The following NFE2L2 variants were observed in gnomAD, a reference collection of about 807,000 sequenced individuals.
The protein encoded by NFE2L2 is nuclear factor erythroid 2-related factor 2.
A neutral mutation model predicts 49.6 loss-of-function variants in NFE2L2; 20 were observed. That is an observed-to-expected ratio of 0.40 (90% confidence interval 0.28 to 0.59). The LOEUF (loss-of-function observed/expected upper bound fraction) is 0.59, where lower values mean the gene tolerates loss of function less well. Among genes scored for constraint, NFE2L2 ranks in the 20% least tolerant of loss-of-function variants. NFE2L2 has a pLI of 0.40. For missense variants in NFE2L2, 578 were observed against 714.2 expected (o/e 0.81, Z 2.17); for synonymous variants, 244 against 256.5 (o/e 0.95, Z 0.47).
chr2:177,253,023 A>G (rs916170888), intron 1 of NFE2L2, among the ~76,000 whole-genome samples: 9 of 152,224 alleles, frequency 5.9e-5, no homozygotes, highest in Admixed American at 3.3e-4. Context: ...ATGAGCACTG[A>G]AGGCCCTCTA....
intron 1 of NFE2L2, among the ~76,000 whole-genome samples, chr2:177,247,275 T>C (rs1170047822): frequency 1.3e-5 from 2 of 152,120 alleles, no homozygotes; most frequent in Non-Finnish European, 2.9e-5. Context: ...AAATACACAT[T>C]AACTGCTTAT....
rs548555607 is a variant in NFE2L2, at chr2:177,256,027, T to G, written c.45+8505A>C. 38 of 154,814 alleles carry G rather than the reference T, an allele frequency of 2.5e-4. No individual in the cohort carries two copies. In the South Asian group the frequency reaches 6.9e-3, roughly 28 times the overall value. 9.6% of individuals were successfully genotyped at this position (154,814 alleles called of 1,614,324 possible). A position where few individuals can be genotyped will look rare whatever the true frequency, so the allele number is the denominator to read the frequency against. ...CCAGAGGAAGTCACTACCAGGAATT[T>G]TAATGGTTAAAAAAATTATTTTCTT... On this transcript the variant is annotated intron_variant, in intron 1 of 4. Transcript: ENST00000397062.
chr2:177,256,570 C>T (rs1476993758), intron 1 of NFE2L2, among the ~76,000 whole-genome samples: 1 of 151,156 alleles, frequency 6.6e-6, no homozygotes, highest in East Asian at 1.9e-4. Context: ...TGCATAGAGC[C>T]TAAATCTTAA....
chr2:177,249,494 A>G (rs563847560), intron 1 of NFE2L2, among the ~76,000 whole-genome samples: 20 of 152,334 alleles, frequency 1.3e-4, no homozygotes, highest in South Asian at 4.1e-4. Flanking sequence ...TATGAAGTCC[A>G]TAAGTCTGAA....
intron 1 of NFE2L2, among the ~76,000 whole-genome samples, chr2:177,238,410 C>T (rs182296139): frequency 1.6e-4 from 25 of 152,202 alleles, no homozygotes; most frequent in Admixed American, 1.3e-3. Context: ...AATTTCCTTT[C>T]CCCCCCTTTT....
chr2:177,246,988 C>T (rs1197173505), intron 1 of NFE2L2, among the ~76,000 whole-genome samples: 2 of 152,052 alleles, frequency 1.3e-5, no homozygotes, highest in African/African-American at 4.8e-5. Context: ...TTTAATCAGT[C>T]CCCCATCTGA....
intron 1 of NFE2L2, among the ~76,000 whole-genome samples, chr2:177,259,553 C>G (rs1279964792): frequency 6.6e-6 from 1 of 152,082 alleles, no homozygotes; most frequent in Non-Finnish European, 1.5e-5. Context: ...ATGGCAGAAA[C>G]TGACACACAG....
chr2:177,251,224 T>C (rs1690326902), intron 1 of NFE2L2, among the ~76,000 whole-genome samples: 1 of 152,218 alleles, frequency 6.6e-6, no homozygotes, highest in South Asian at 2.1e-4. Context: ...GGGGTAGTTA[T>C]TACAAAAGAA....
chr2:177,242,885 C>T (rs1689986994), intron 1 of NFE2L2, among the ~76,000 whole-genome samples: 2 of 151,878 alleles, frequency 1.3e-5, no homozygotes, highest in African/African-American at 2.4e-5. Context: ...CATCTGAGTC[C>T]CCAAGGAGGT....
intron 1 of NFE2L2, among the ~76,000 whole-genome samples, chr2:177,243,966 A>G (rs1419256184): frequency 2.0e-5 from 3 of 151,924 alleles, no homozygotes; most frequent in African/African-American, 7.3e-5. Flanking sequence ...TTTTATTAAC[A>G]ATATTATTAT....
In NFE2L2 at chr2:177,231,130, A is replaced by T; in HGVS notation, c.1473T>A (p.Asn491Lys). 6.2e-7 allele frequency: 1 copy of T among 1,614,186 alleles called. No individual in the cohort carries two copies. The highest frequency in any genetic ancestry group is 8.5e-7 in the Non-Finnish European group (1 of 1,180,042). The change falls in exon 5 of 5, where the codon AAT becomes AAA. Residue 491 changes from asparagine (N) to lysine (K), a missense_variant. Coordinates refer to ENST00000397062, the MANE Select transcript of NFE2L2 (RefSeq NM_006164.5). ...FNEMMSKEQFNEAQLALIRDI... is the reference protein window; with the variant it reads ...FNEMMSKEQFKEAQLALIRDI... ...CCCGAATTAATGCAAGTTGAGCTTC[A>T]TTGAACTGCTCTTTGGACATCATTT...
At chr2:177,234,968 C>T (rs1382198415) in intron 1 of NFE2L2, among the ~76,000 whole-genome samples, 1 of 151,822 alleles carries the variant, frequency 6.6e-6, no homozygotes, top group Non-Finnish European at 1.5e-5. Context: ...ATACAAAAAT[C>T]AGCCGGGTGT....
At chr2:177,238,322 C>T (rs1403352234) in intron 1 of NFE2L2, among the ~76,000 whole-genome samples, 1 of 152,206 alleles carries the variant, frequency 6.6e-6, no homozygotes, top group Non-Finnish European at 1.5e-5. Context: ...ACAACCAACC[C>T]TCATGAGCTG....
intron 1 of NFE2L2, among the ~76,000 whole-genome samples, chr2:177,238,057 A>G (rs1489667544): frequency 6.6e-6 from 1 of 152,152 alleles, no homozygotes; most frequent in African/African-American, 2.4e-5. Context: ...CACCCATCTC[A>G]AGAAGTGATG....
intron 1 of NFE2L2, among the ~76,000 whole-genome samples, chr2:177,235,412 G>A (rs1335925704): frequency 1.3e-5 from 2 of 152,076 alleles, no homozygotes; most frequent in African/African-American, 4.8e-5. Context: ...ACTCCAGCCC[G>A]GGCAACAAAG....
chr2:177,232,376 A>C lies in NFE2L2; in HGVS notation c.594+16T>G, dbSNP rs755783995. The C allele has an allele frequency of 6.2e-7, 1 of 1,602,210 alleles. No homozygotes were observed. The highest frequency in any genetic ancestry group is 1.1e-5 in the South Asian group (1 of 90,208). ...ATATAAAAAAAATCTCCAGTATTAC[A>C]TTCTATTTTAGTTACCTGTAACTCA... On this transcript the variant is annotated intron_variant, in intron 4 of 4. Transcript: ENST00000397062.
chr2:177,255,079 G>A (rs1690468700), intron 1 of NFE2L2, among the ~76,000 whole-genome samples: 1 of 152,180 alleles, frequency 6.6e-6, no homozygotes, highest in South Asian at 2.1e-4. Context: ...TTGGAAACCT[G>A]TAGCACAGAG....
At chr2:177,249,248 A>G (rs1420886479) in intron 1 of NFE2L2, among the ~76,000 whole-genome samples, 13 of 150,904 alleles carry the variant, frequency 8.6e-5, no homozygotes, top group Non-Finnish European at 5.9e-5. Context: ...ATAAATAAAT[A>G]AGGCATTTTC....
At chr2:177,262,661 CACTT>C (rs1182215098) in intron 1 of NFE2L2, among the ~76,000 whole-genome samples, 2 of 152,178 alleles carry the variant, frequency 1.3e-5, no homozygotes, top group Non-Finnish European at 2.9e-5. Context: ...GGAAAATACA[CACTT>C]AATGCGGTAC....
Sources: allele counts gnomAD v4.1 joint callset (sites outside exome capture counted in the v4.1 genomes callset), GRCh38; gene constraint gnomAD v4.1.1; transcripts MANE v1.5; gene names NCBI Gene and HGNC (gene_info 2026-07-23, HGNC 2026-07-21).